Variants in NUDT7 observed in about 807,000 individuals in gnomAD.
NUDT7 encodes the protein nudix hydrolase 7, also known as peroxisomal coenzyme A diphosphatase NUDT7.
In NUDT7, 19 loss-of-function variants were observed where a neutral mutation model predicts 13.1. The ratio of observed to expected loss-of-function variants is 1.45; its 90% CI spans 1.01 to 2.13. The LOEUF (loss-of-function observed/expected upper bound fraction) is 2.13. NUDT7 is among the 30% of genes most tolerant of loss of function. The pLI, the probability that NUDT7 is intolerant of heterozygous loss-of-function variation, is 0.00. For missense variants in NUDT7, 360 were observed against 291.7 expected, an observed-to-expected ratio of 1.23 and a Z score of -1.71; for synonymous variants, 132 against 109.7, an observed-to-expected ratio of 1.20 and a Z score of -1.27.
chr16:77,723,221 C>T (rs2014018712), intron 1 of NUDT7, among the ~76,000 whole-genome samples: 1 of 152,164 alleles, frequency 6.6e-6, no homozygotes, highest in African/African-American at 2.4e-5. Flanking sequence ...TCTGTGGTTT[C>T]CGGGTGGTTA....
chr16:77,728,918 G>A lies in NUDT7; in HGVS notation c.189+3334G>A, dbSNP rs551392636. Among the ~76,000 whole-genome samples, 81 of 152,070 alleles carry A rather than the reference G, an allele frequency of 5.3e-4. 1 individual carries two copies. Among genetic ancestry groups the A allele is most frequent in the South Asian group, 1.0e-3 (5 of 4,808 alleles). On this transcript the variant is annotated intron_variant, in intron 2 of 3. Coordinates refer to ENST00000268533, the MANE Select transcript of NUDT7 (RefSeq NM_001105663.3). ...TCTTCTCCCCCACACCCTTGACCTC[G>A]CATCCCTCCTCTGTCCCCTCTTCTA... is the stretch of plus-strand genomic sequence containing the variant.
At chr16:77,725,610 C>G in intron 2 of NUDT7, 26 bp downstream of exon 2, 1 of 1,609,574 alleles carries the variant, frequency 6.2e-7, no homozygotes. Flanking sequence ...ATTTCCTGCC[C>G]TTAAACCTCA....
intron 2 of NUDT7, among the ~76,000 whole-genome samples, chr16:77,732,226 G>T (rs1663470610): frequency 6.6e-6 from 1 of 151,936 alleles, no homozygotes; most frequent in African/African-American, 2.4e-5. Flanking sequence ...TACTTGGGAG[G>T]CTGAGGCAGG....
chr16:77,740,737 G>A (rs1221593220), intron 3 of NUDT7, among the ~76,000 whole-genome samples: 2 of 151,840 alleles, frequency 1.3e-5, no homozygotes, highest in Non-Finnish European at 2.9e-5. Context: ...TAGTAGAGAC[G>A]GGATTTCATC....
chr16:77,739,799 G>A (rs1438937708), intron 3 of NUDT7, among the ~76,000 whole-genome samples: 1 of 152,122 alleles, frequency 6.6e-6, no homozygotes, highest in African/African-American at 2.4e-5. Context: ...AGAGAGCTGG[G>A]AGTGCCTGTG....
intron 2 of NUDT7, among the ~76,000 whole-genome samples, chr16:77,729,131 G>A (rs1271860473): frequency 2.6e-5 from 4 of 152,146 alleles, no homozygotes; most frequent in Non-Finnish European, 5.9e-5. Context: ...ATAACTGACC[G>A]CTTTTGTGCT....
chr16:77,725,466 G>C lies in NUDT7; in HGVS notation c.71G>C (p.Arg24Thr), dbSNP rs545748539. The C allele has an allele frequency of 1.2e-6, 2 of 1,613,662 alleles. No homozygotes were observed. The highest frequency in any genetic ancestry group is 2.2e-5 in the East Asian group (1 of 44,870). Residue 24 changes from arginine to threonine, a missense_variant, in exon 2 of 4, where the codon AGA (arginine) becomes ACA (threonine). Coordinates refer to ENST00000268533, the MANE Select transcript of NUDT7 (RefSeq NM_001105663.3). ...SLLDDAKARL[R>T]KYDIGGKYSH... ...CTAGATGATGCTAAGGCCCGCTTAA[G>C]AAAGTATGATATTGGAGGCAAATAT...
At chr16:77,723,402 C>G (rs1378976144) in intron 1 of NUDT7, among the ~76,000 whole-genome samples, 1 of 147,264 alleles carries the variant, frequency 6.8e-6, no homozygotes, top group African/African-American at 2.7e-5. Context: ...TAGAAAGAGG[C>G]AAAAAATAGC....
In NUDT7 at chr16:77,725,430, G is replaced by C. The variant is rs936096213; in HGVS notation, c.36-1G>C. 1 of 1,606,150 alleles carries C rather than the reference G, an allele frequency of 6.2e-7. No individual in the cohort carries two copies. The highest frequency in any genetic ancestry group is 8.5e-7 in the Non-Finnish European group (1 of 1,175,942). On this transcript the variant is annotated splice_acceptor_variant, in intron 1 of 3. Coordinates refer to ENST00000268533, the MANE Select transcript of NUDT7 (RefSeq NM_001105663.3). LOFTEE classifies it high-confidence loss of function. ...GTCTGTCTGGTTTGTTTTTATTTTAGAAACAGTTTGCTAGATGATGCTAAG... is the reference window on the plus strand; with the variant it reads ...GTCTGTCTGGTTTGTTTTTATTTTACAAACAGTTTGCTAGATGATGCTAAG...
chr16:77,730,492 C>T lies in NUDT7; in HGVS notation c.189+4908C>T, dbSNP rs375075926. 1.2e-4 allele frequency among the ~76,000 whole-genome samples: 19 copies of T among 152,202 alleles called. 1 individual carries two copies. Among genetic ancestry groups the T allele is most frequent in the African/African-American group, 4.6e-4 (19 of 41,528 alleles). On this transcript the variant is annotated intron_variant, in intron 2 of 3. Coordinates refer to ENST00000268533, the MANE Select transcript of NUDT7 (RefSeq NM_001105663.3). ...TGAATAATATTCCTCTCTGTATATA[C>T]ATTTTCTTCATTCACTTGTTGATGG...
At chr16:77,737,105 C>G (rs1463537288) in intron 3 of NUDT7, among the ~76,000 whole-genome samples, 1 of 152,156 alleles carries the variant, frequency 6.6e-6, no homozygotes, top group Non-Finnish European at 1.5e-5. Flanking sequence ...TCTTACATCA[C>G]TGTGTACATT....
intron 2 of NUDT7, among the ~76,000 whole-genome samples, chr16:77,733,377 G>T (rs2014378024): frequency 6.6e-6 from 1 of 152,180 alleles, no homozygotes; most frequent in Non-Finnish European, 1.5e-5. Context: ...TACAGGGAAA[G>T]GGGCAAAGAG....
chr16:77,737,340 T>C (rs976552076), intron 3 of NUDT7: 3 of 152,220 alleles, frequency 2.0e-5, no homozygotes, highest in African/African-American at 4.8e-5. Context: ...TGGTCAGGTA[T>C]TTTATAGAAT....
rs1450751088 is a variant in NUDT7, at chr16:77,735,893, T to C, written c.255T>C (p.Asp85=). ...AGCGTGACCCTACAGACATGGATGATGCAGCCACAGCTCTCCGGGAAGCCC... is the reference window on the plus strand; with the variant it reads ...AGCGTGACCCTACAGACATGGATGACGCAGCCACAGCTCTCCGGGAAGCCC... ...GGKRDPTDMD[D]AATALREAQE... Residue 85 remains aspartate, a synonymous_variant, in exon 3 of 4, where the codon GAT becomes GAC. Transcript: ENST00000268533. 3 of 1,614,112 alleles carry C rather than the reference T, an allele frequency of 1.9e-6. No individual in the cohort carries two copies. The highest frequency in any genetic ancestry group is 4.5e-5 in the East Asian group (2 of 44,878).
rs2013991245 is a variant in NUDT7 at position 77,722,599 on chromosome 16, T to C, written c.17T>C (p.Leu6Pro). The change falls in exon 1 of 4, where the codon CTT becomes CCT. Residue 6 changes from leucine (L) to proline (P), a missense_variant. Coordinates refer to ENST00000268533, the MANE Select transcript of NUDT7 (RefSeq NM_001105663.3). MSRLG[L>P]PEEPVRNSLL... ...CCCAGGGCAATGTCACGACTTGGTCTTCCCGAGGAGCCAGTCAGGTAAAGG... is the reference window on the plus strand; with the variant it reads ...CCCAGGGCAATGTCACGACTTGGTCCTCCCGAGGAGCCAGTCAGGTAAAGG... 1 of 1,594,158 alleles carries C rather than the reference T, an allele frequency of 6.3e-7. No homozygotes were observed. The highest frequency in any genetic ancestry group is 8.5e-7 in the Non-Finnish European group (1 of 1,169,872).
Position 77,741,702 on chromosome 16 carries a change from G to A in NUDT7, c.469G>A (p.Val157Ile). 6.2e-7 allele frequency: 1 copy of A among 1,614,080 alleles called. No homozygotes were observed. The highest frequency in any genetic ancestry group is 8.5e-7 in the Non-Finnish European group (1 of 1,180,028). Residue 157 changes from valine (V) to isoleucine (I), a missense_variant, in exon 4 of 4, where the codon GTC becomes ATC. By Grantham distance (29) the Val-to-Ile change is conservative. Transcript: ENST00000268533. The part of the protein sequence containing the change: ...VPLAYFLHPQ[V>I]HDQHYVTRLG... ...TCTGGCCTATTTCCTGCATCCACAG[G>A]TCCATGACCAGCATTACGTCACACG...
At chr16:77,724,326 A>G (rs943952640) in intron 1 of NUDT7, among the ~76,000 whole-genome samples, 8 of 152,086 alleles carry the variant, frequency 5.3e-5, no homozygotes, top group Non-Finnish European at 7.4e-5. Flanking sequence ...CAGTGGTGCA[A>G]TCATGGCTCA....
At chr16:77,740,294 C>T (rs2014619062) in intron 3 of NUDT7, among the ~76,000 whole-genome samples, 1 of 152,002 alleles carries the variant, frequency 6.6e-6, no homozygotes, top group East Asian at 1.9e-4. Context: ...TTTGGCTGTC[C>T]CTCAGAACAT....
chr16:77,735,811 G>A lies in NUDT7; in HGVS notation c.190-17G>A. 1.9e-6 allele frequency: 3 copies of A among 1,609,376 alleles called. No homozygotes were observed. Among genetic ancestry groups the A allele is most frequent in the East Asian group, 2.2e-5 (1 of 44,736 alleles). On this transcript the variant is annotated splice_polypyrimidine_tract_variant and intron_variant, in intron 2 of 3. Transcript: ENST00000268533. ...AATTAGAATCCCACATTGTAGCGCT[G>A]TTCTTTCTATATCCAGCTAAGAAGG...
Sources: gnomAD v4.1 joint callset for allele counts (sites outside exome capture counted in the v4.1 genomes callset) on GRCh38, gnomAD v4.1.1 for gene constraint, MANE v1.5 for transcripts, NCBI Gene and HGNC (gene_info 2026-07-23, HGNC 2026-07-21) for gene names.